The following ARID2 variants were observed in gnomAD, a reference collection of about 807,000 sequenced individuals.
ARID2 encodes AT-rich interactive domain-containing protein 2.
ARID2 carries 32 observed loss-of-function variants against 184.6 expected under a neutral mutation model. The observed-to-expected ratio is 0.17, with a 90% confidence interval of 0.13 to 0.23. ARID2 has a LOEUF of 0.23. ARID2 is among the 10% of genes least tolerant of loss of function. ARID2 has a pLI of 1.00. For missense variants in ARID2, 1,696 were observed against 2,197.6 expected (o/e 0.77, Z 4.56); for synonymous variants, 836 against 772.6 (o/e 1.08, Z -1.36).
intron 16 of ARID2, among the ~76,000 whole-genome samples, chr12:45,882,899 G>C (rs1944127052): frequency 6.6e-6 from 1 of 152,196 alleles, no homozygotes; most frequent in Non-Finnish European, 1.5e-5. Flanking sequence ...TTTTGACTAA[G>C]TTAAATGAAT....
intron 3 of ARID2, among the ~76,000 whole-genome samples, chr12:45,758,485 G>A (rs1318752287): frequency 1.3e-5 from 2 of 152,000 alleles, no homozygotes. Context: ...GAAGCCAAAA[G>A]ATTGAACACC....
chr12:45,830,161 C>G (rs1212082426), intron 6 of ARID2, among the ~76,000 whole-genome samples: 1 of 151,346 alleles, frequency 6.6e-6, no homozygotes, highest in African/African-American at 2.4e-5. Flanking sequence ...GCTGTTGTGA[C>G]TAATTTTACT....
chr12:45,804,793 T>G (rs1942571120), intron 3 of ARID2, among the ~76,000 whole-genome samples: 1 of 152,100 alleles, frequency 6.6e-6, no homozygotes, highest in South Asian at 2.1e-4. Context: ...CTTTGAAGCC[T>G]CTGTAGAATG....
rs1323185442 is a variant in ARID2, at chr12:45,905,804, T to C, written c.*726T>C. ...GGTTCTAAAGTTTTCTAGACTTTCCTGTCAATTGTAAGTAATTGTGATATA... is the reference window on the plus strand; with the variant it reads ...GGTTCTAAAGTTTTCTAGACTTTCCCGTCAATTGTAAGTAATTGTGATATA... On this transcript the variant is annotated 3_prime_UTR_variant, in exon 21 of 21. Coordinates refer to ENST00000334344, the MANE Select transcript of ARID2 (RefSeq NM_152641.4). 4.3e-6 allele frequency: 1 copy of C among 232,974 alleles called. No individual in the cohort carries two copies. The highest frequency in any genetic ancestry group is 2.2e-5 in the African/African-American group (1 of 45,342). 14.4% of individuals were successfully genotyped at this position (232,974 alleles called of 1,614,324 possible).
At chr12:45,833,584 T>C (rs915400733) in intron 6 of ARID2, among the ~76,000 whole-genome samples, 2 of 152,184 alleles carry the variant, frequency 1.3e-5, no homozygotes, top group African/African-American at 4.8e-5. Context: ...TTTTCCAGAA[T>C]GTTGAACTTT....
intron 3 of ARID2, among the ~76,000 whole-genome samples, chr12:45,763,696 G>A (rs1225493273): frequency 6.6e-6 from 1 of 151,896 alleles, no homozygotes; most frequent in Non-Finnish European, 1.5e-5. Flanking sequence ...TTTCTGTGTT[G>A]CTCAGACTAG....
At chr12:45,862,619 G>T (rs1229261436) in intron 16 of ARID2, among the ~76,000 whole-genome samples, 1 of 152,182 alleles carries the variant, frequency 6.6e-6, no homozygotes, top group Non-Finnish European at 1.5e-5. Flanking sequence ...TGAGGCAGGA[G>T]GATCGCTTGA....
At chr12:45,791,785 A>C (rs973438916) in intron 3 of ARID2, among the ~76,000 whole-genome samples, 1 of 152,198 alleles carries the variant, frequency 6.6e-6, no homozygotes, top group African/African-American at 2.4e-5. Flanking sequence ...TTTCTCAACT[A>C]TCTGATATAA....
intron 4 of ARID2, among the ~76,000 whole-genome samples, chr12:45,813,474 A>AC: frequency 6.8e-6 from 1 of 147,918 alleles, no homozygotes; most frequent in Non-Finnish European, 1.5e-5. Flanking sequence ...AAAAAAAAAA[A>AC]CCACCAAAAT....
intron 3 of ARID2, among the ~76,000 whole-genome samples, chr12:45,778,008 C>A (rs989386854): frequency 6.6e-6 from 1 of 151,920 alleles, no homozygotes; most frequent in African/African-American, 2.4e-5. Context: ...GAGTTCTAGA[C>A]CAGCCTGGCC....
In ARID2 at chr12:45,843,904, A is replaced by G. The variant is rs562202097; in HGVS notation, c.1499-2952A>G. ...AGAAAAAGTCCAATGTTGTTTTTCAATTCAAGAAAGTATGTTAGTATGTTA... is the reference window on the plus strand; with the variant it reads ...AGAAAAAGTCCAATGTTGTTTTTCAGTTCAAGAAAGTATGTTAGTATGTTA... On this transcript the variant is annotated intron_variant, in intron 11 of 20. Transcript: ENST00000334344. Among the ~76,000 whole-genome samples the G allele has an allele frequency of 9.2e-4, 140 of 152,290 alleles. 1 individual carries two copies. Among genetic ancestry groups the G allele is most frequent in the African/African-American group, 3.2e-3 (133 of 41,572 alleles).
At position 45,852,529 on chromosome 12, in the gene ARID2, T is replaced by C. The variant is rs2138179469; in HGVS notation, c.4406T>C (p.Val1469Ala). The change falls in exon 15 of 21, where the codon GTC becomes GCC. Residue 1469 changes from valine to alanine, a missense_variant. Around this residue, in one of 11 missense-constraint regions of ARID2, gnomAD observed 428 missense variants for 409.1 expected, o/e 1.05. Transcript: ENST00000334344. ...CCTCAGCAACGCCCAAGTGTAGTTG[T>C]CTCACCACATTCTACAACCTCTGTT... Reference protein sequence around the residue: ...DVPQQRPSVVVSPHSTTSVIQ... With the variant: ...DVPQQRPSVVASPHSTTSVIQ... The C allele has an allele frequency of 6.2e-7, 1 of 1,614,190 alleles. No homozygotes were observed. Among genetic ancestry groups the C allele is most frequent in the Non-Finnish European group, 8.5e-7 (1 of 1,180,022 alleles).
intron 20 of ARID2, among the ~76,000 whole-genome samples, chr12:45,897,063 T>TA (rs1944379525): frequency 6.6e-6 from 1 of 152,170 alleles, no homozygotes; most frequent in African/African-American, 2.4e-5. Flanking sequence ...AACAGCGTGG[T>TA]ACTGGCATAA....
chr12:45,772,397 T>C (rs1430023184), intron 3 of ARID2, among the ~76,000 whole-genome samples: 5 of 152,124 alleles, frequency 3.3e-5, no homozygotes, highest in Non-Finnish European at 7.4e-5. Context: ...AAGAGCCAGA[T>C]TGGGTAACAT....
At chr12:45,868,746 C>G (rs1943869701) in intron 16 of ARID2, among the ~76,000 whole-genome samples, 1 of 152,158 alleles carries the variant, frequency 6.6e-6, no homozygotes, top group Non-Finnish European at 1.5e-5. Flanking sequence ...GAATTGCCAC[C>G]TTTGTCATAT....
At chr12:45,756,738 G>A (rs933921135) in intron 3 of ARID2, among the ~76,000 whole-genome samples, 1 of 152,130 alleles carries the variant, frequency 6.6e-6, no homozygotes, top group African/African-American at 2.4e-5. Context: ...AGGCTGAGGC[G>A]GGAGGATTGC....
intron 3 of ARID2, among the ~76,000 whole-genome samples, chr12:45,778,258 G>A (rs139477232): frequency 1.3e-5 from 2 of 151,960 alleles, no homozygotes; most frequent in East Asian, 1.9e-4. Context: ...CCCCCAACCC[G>A]CAAGAAAATG....
intron 3 of ARID2, chr12:45,789,344 C>G (rs1942251401): frequency 6.6e-6 from 1 of 152,100 alleles, no homozygotes; most frequent in Admixed American, 6.5e-5. Flanking sequence ...TGTTAGCCTT[C>G]TACTGGGGCA....
chr12:45,841,256 CCTCAGCAA>C (rs1456295092), intron 11 of ARID2: 1 of 152,170 alleles, frequency 6.6e-6, no homozygotes, highest in East Asian at 1.9e-4. Context: ...GTTCTTTTGA[CCTCAGCAA>C]ATGAACCTAC....
Sources: allele counts gnomAD v4.1 joint callset (sites outside exome capture counted in the v4.1 genomes callset), GRCh38; gene constraint gnomAD v4.1.1; regional missense constraint gnomAD v4.1.1; transcripts MANE v1.5; gene names NCBI Gene and HGNC (gene_info 2026-07-23, HGNC 2026-07-21).